The following FIRRM variants were observed in gnomAD, a reference collection of about 807,000 sequenced individuals.
FIRRM encodes the protein FIGNL1 interacting regulator of recombination and mitosis.
chr1:169,800,820 G>C, the FIRRM span: 1 of 648,244 alleles, frequency 1.5e-6, no homozygotes, highest in Non-Finnish European at 2.7e-6. Context: ...ATTTAATAAA[G>C]GGCAGTGGCC....
the FIRRM span, chr1:169,849,785 T>C: frequency 0.047 from 27,666 of 585,970 alleles, 890 homozygotes; most frequent in South Asian, 0.1. Context: ...ATAAATGAAG[T>C]GAATTTCGTA....
the FIRRM span, among the ~76,000 whole-genome samples, chr1:169,840,343 TC>T: frequency 6.6e-6 from 1 of 152,246 alleles, no homozygotes; most frequent in Non-Finnish European, 1.5e-5. Context: ...TACTGACTCT[TC>T]CAATCTATGA....
At chr1:169,849,650 A>G in the FIRRM span, 138 of 1,393,106 alleles carry the variant, frequency 9.9e-5, no homozygotes, top group Admixed American at 1.9e-4. Context: ...AACCATTTTA[A>G]TATTTCAAAT....
the FIRRM span, among the ~76,000 whole-genome samples, chr1:169,811,939 G>A: frequency 6.7e-6 from 1 of 149,348 alleles, no homozygotes; most frequent in Non-Finnish European, 1.5e-5. Flanking sequence ...TAGAAACAAA[G>A]AAAGAAAGAA....
the FIRRM span, among the ~76,000 whole-genome samples, chr1:169,788,608 C>T: frequency 6.6e-6 from 1 of 152,056 alleles, no homozygotes; most frequent in Non-Finnish European, 1.5e-5. Context: ...GCACCCCTGC[C>T]CCCATGTTGT....
At chr1:169,819,972 C>T in the FIRRM span, among the ~76,000 whole-genome samples, 1 of 152,112 alleles carries the variant, frequency 6.6e-6, no homozygotes, top group Admixed American at 6.5e-5. Context: ...CAGAAGGAGC[C>T]CAGAGCAGCC....
chr1:169,852,587 G>T, the FIRRM span: 7 of 585,308 alleles, frequency 1.2e-5, 1 homozygote, highest in South Asian at 1.3e-4. Flanking sequence ...GACACTGGTA[G>T]TAGCACTCTG....
the FIRRM span, chr1:169,793,492 A>G: frequency 6.2e-7 from 1 of 1,614,096 alleles, no homozygotes; most frequent in African/African-American, 1.3e-5. Flanking sequence ...AGGGAGCTGC[A>G]TTTTCCATTG....
the FIRRM span, among the ~76,000 whole-genome samples, chr1:169,840,510 T>C: frequency 6.7e-6 from 1 of 149,546 alleles, no homozygotes. Context: ...TTTTCTTTTT[T>C]CTTTTTTTTT....
the FIRRM span, among the ~76,000 whole-genome samples, chr1:169,802,355 T>TA: frequency 1.3e-5 from 2 of 152,176 alleles, no homozygotes; most frequent in African/African-American, 2.4e-5. Context: ...AGTGATTTTT[T>TA]AAAAAAATTG....
the FIRRM span, among the ~76,000 whole-genome samples, chr1:169,838,782 A>G: frequency 6.6e-6 from 1 of 151,924 alleles, no homozygotes. Context: ...GAGCCACCAC[A>G]CCCAGCCTCA....
At chr1:169,810,962 C>T in the FIRRM span, among the ~76,000 whole-genome samples, 1 of 150,462 alleles carries the variant, frequency 6.6e-6, no homozygotes, top group Non-Finnish European at 1.5e-5. Context: ...CGGGTTCACG[C>T]CATTCCCCTG....
the FIRRM span, among the ~76,000 whole-genome samples, chr1:169,801,440 C>T: frequency 2.9e-4 from 33 of 114,898 alleles, no homozygotes; most frequent in South Asian, 6.0e-4. Context: ...AGCGATGCTC[C>T]GTCTCAAAAA....
At chr1:169,833,725 C>T in the FIRRM span, among the ~76,000 whole-genome samples, 61 of 152,146 alleles carry the variant, frequency 4.0e-4, no homozygotes, top group African/African-American at 1.4e-3. Flanking sequence ...ACCTATTAGC[C>T]CTCTAAGAGC....
the FIRRM span, among the ~76,000 whole-genome samples, chr1:169,838,173 A>C: frequency 2.0e-5 from 3 of 152,160 alleles, no homozygotes; most frequent in Non-Finnish European, 2.9e-5. Flanking sequence ...TCCTGATGTC[A>C]GGTAATCTAC....
chr1:169,854,069 T>C, the FIRRM span: 1 of 583,850 alleles, frequency 1.7e-6, no homozygotes, highest in South Asian at 2.4e-5. Context: ...TTACAATAGC[T>C]CATTAAACAA....
the FIRRM span, chr1:169,853,230 T>TAAC: frequency 8.1e-6 from 4 of 496,226 alleles, no homozygotes; most frequent in Non-Finnish European, 1.4e-5. Flanking sequence ...TCAGATAGTC[T>TAAC]AACTGTAAAC....
chr1:169,832,667 G>T, the FIRRM span, among the ~76,000 whole-genome samples: 2 of 151,570 alleles, frequency 1.3e-5, no homozygotes, highest in Admixed American at 6.6e-5. Flanking sequence ...ACAGTGGCTC[G>T]ATCACAGCTC....
chr1:169,796,998 A>G, the FIRRM span, among the ~76,000 whole-genome samples: 5 of 152,246 alleles, frequency 3.3e-5, no homozygotes, highest in African/African-American at 4.8e-5. Flanking sequence ...TTTTCTAAAA[A>G]GCACATTACC....
Sources: allele counts gnomAD v4.1 joint callset (sites outside exome capture counted in the v4.1 genomes callset), GRCh38; gene constraint gnomAD v4.1.1; transcripts MANE v1.5; gene names NCBI Gene and HGNC (gene_info 2026-07-23, HGNC 2026-07-21).